Variants in SLC24A2 observed in about 807,000 individuals in gnomAD.
The protein encoded by SLC24A2 is sodium/potassium/calcium exchanger 2.
Under a neutral mutation model 62.0 loss-of-function variants are expected in SLC24A2, and 36 were observed. The observed-to-expected ratio is 0.58, with a 90% CI of 0.44 to 0.77. SLC24A2 has a LOEUF of 0.77. Among genes scored for constraint, SLC24A2 ranks in the 30% least tolerant of loss-of-function variants. The probability of loss-of-function intolerance (pLI) is 0.00; values close to 1 mark genes in which losing one functional copy is unlikely to be tolerated. For missense variants in SLC24A2, 846 were observed against 817.9 expected, an observed-to-expected ratio of 1.03 and a Z score of -0.42; for synonymous variants, 358 against 294.0, an observed-to-expected ratio of 1.22 and a Z score of -2.23.
At chr9:20,297,235 G>A in the SLC24A2 span, among the ~76,000 whole-genome samples, 2 of 152,132 alleles carry the variant, frequency 1.3e-5, no homozygotes, top group Non-Finnish European at 2.9e-5. Flanking sequence ...TGTGCTCCAG[G>A]AAAACCTGAA....
intron 6 of SLC24A2, among the ~76,000 whole-genome samples, chr9:19,574,230 A>G (rs939241899): frequency 6.6e-6 from 1 of 152,196 alleles, no homozygotes; most frequent in African/African-American, 2.4e-5. Context: ...TGAGCATCCT[A>G]CTGCAGGCAA....
chr9:20,121,701 C>A, the SLC24A2 span, among the ~76,000 whole-genome samples: 1 of 152,126 alleles, frequency 6.6e-6, no homozygotes, highest in Non-Finnish European at 1.5e-5. Flanking sequence ...GAAAGACATG[C>A]AGTGTTTTAA....
the SLC24A2 span, among the ~76,000 whole-genome samples, chr9:19,876,365 C>CGTGTGTGTGTGTGTGT: frequency 6.9e-6 from 1 of 145,524 alleles, no homozygotes; most frequent in Non-Finnish European, 1.5e-5. Flanking sequence ...TTATTGAAGG[C>CGTGTGTGTGTGTGTGT]GTGTGTGTGT....
chr9:20,172,471 G>A, the SLC24A2 span, among the ~76,000 whole-genome samples: 1 of 151,898 alleles, frequency 6.6e-6, no homozygotes. Context: ...ACCAAGAAAA[G>A]AAGAGAGAAA....
At chr9:19,696,681 T>C (rs1490546363) in intron 2 of SLC24A2, among the ~76,000 whole-genome samples, 2 of 152,294 alleles carry the variant, frequency 1.3e-5, no homozygotes, top group Non-Finnish European at 1.5e-5. Flanking sequence ...AAAGAAAATA[T>C]TGCATCCAGG....
chr9:20,103,668 G>A, the SLC24A2 span, among the ~76,000 whole-genome samples: 1 of 152,158 alleles, frequency 6.6e-6, no homozygotes, highest in Non-Finnish European at 1.5e-5. Flanking sequence ...CTAACAAACA[G>A]AAAGGACATC....
the SLC24A2 span, among the ~76,000 whole-genome samples, chr9:19,803,102 C>A: frequency 1.3e-5 from 2 of 152,124 alleles, no homozygotes; most frequent in Non-Finnish European, 2.9e-5. Context: ...AATTTCTATT[C>A]TTTATAAGCC....
At chr9:19,522,242 C>T (rs988567089) in intron 9 of SLC24A2, among the ~76,000 whole-genome samples, 1 of 152,172 alleles carries the variant, frequency 6.6e-6, no homozygotes, top group Admixed American at 6.5e-5. Flanking sequence ...TCGAGATCCT[C>T]CTGCCTTGGC....
chr9:19,959,144 A>G, the SLC24A2 span, among the ~76,000 whole-genome samples: 2 of 152,198 alleles, frequency 1.3e-5, no homozygotes, highest in Non-Finnish European at 2.9e-5. Context: ...TTAAGGCTAG[A>G]GATAATTGGC....
the SLC24A2 span, among the ~76,000 whole-genome samples, chr9:20,305,885 G>A: frequency 1.6e-4 from 24 of 152,116 alleles, no homozygotes; most frequent in Non-Finnish European, 2.4e-4. Flanking sequence ...TTGTGGGCAG[G>A]GTTGGTTTCT....
intron 10 of SLC24A2, among the ~76,000 whole-genome samples, chr9:19,519,118 T>C (rs1353766501): frequency 6.6e-6 from 1 of 152,208 alleles, no homozygotes; most frequent in Non-Finnish European, 1.5e-5. Context: ...CAAAATGTTA[T>C]GAGCTATGAG....
At chr9:19,891,063 C>T in the SLC24A2 span, among the ~76,000 whole-genome samples, 514 of 152,336 alleles carry the variant, frequency 3.4e-3, 2 homozygotes, top group African/African-American at 9.3e-3. Flanking sequence ...CTTCTTTGCA[C>T]GTACAATGCA....
At chr9:19,669,059 T>C (rs1189546052) in intron 2 of SLC24A2, among the ~76,000 whole-genome samples, 1 of 152,208 alleles carries the variant, frequency 6.6e-6, no homozygotes, top group African/African-American at 2.4e-5. Context: ...GATCAGGTAT[T>C]TGGCTAAATT....
the SLC24A2 span, among the ~76,000 whole-genome samples, chr9:20,306,132 C>A: frequency 1.3e-5 from 2 of 152,212 alleles, no homozygotes; most frequent in Admixed American, 6.5e-5. Flanking sequence ...GATAGGGACA[C>A]AACTCAGCCC....
chr9:20,025,240 G>C, the SLC24A2 span, among the ~76,000 whole-genome samples: 1 of 152,108 alleles, frequency 6.6e-6, no homozygotes, highest in Admixed American at 6.6e-5. Context: ...CACTACGCTA[G>C]AATGTATTAA....
the SLC24A2 span, among the ~76,000 whole-genome samples, chr9:20,295,714 C>T: frequency 6.6e-6 from 1 of 152,198 alleles, no homozygotes; most frequent in Non-Finnish European, 1.5e-5. Flanking sequence ...ACACCAGTGG[C>T]ACTCTGGGTC....
the SLC24A2 span, among the ~76,000 whole-genome samples, chr9:20,194,883 T>C: frequency 6.6e-6 from 1 of 151,966 alleles, no homozygotes; most frequent in African/African-American, 2.4e-5. Flanking sequence ...ACTACATCTT[T>C]TCCCATCACA....
the SLC24A2 span, among the ~76,000 whole-genome samples, chr9:20,164,281 T>C: frequency 4.0e-5 from 6 of 150,738 alleles, no homozygotes; most frequent in African/African-American, 1.5e-4. Context: ...CAAACAAATT[T>C]ACAAGAAAAA....
the SLC24A2 span, among the ~76,000 whole-genome samples, chr9:20,204,525 A>G: frequency 6.6e-6 from 1 of 152,076 alleles, no homozygotes; most frequent in Non-Finnish European, 1.5e-5. Flanking sequence ...TCCTTAATCT[A>G]TTGACTTATC....
Sources: gnomAD v4.1 joint callset for allele counts (sites outside exome capture counted in the v4.1 genomes callset) on GRCh38, gnomAD v4.1.1 for gene constraint, MANE v1.5 for transcripts, NCBI Gene and HGNC (gene_info 2026-07-23, HGNC 2026-07-21) for gene names.